The following HERC3 variants were observed in gnomAD, a reference collection of about 807,000 sequenced individuals.
The protein encoded by HERC3 is HECT and RLD domain containing E3 ubiquitin protein ligase 3, also known as probable E3 ubiquitin-protein ligase HERC3.
Under a neutral mutation model 129.9 loss-of-function variants are expected in HERC3, and 58 were observed. The observed-to-expected ratio is 0.45, with a 90% CI of 0.36 to 0.56. The LOEUF is 0.56. Ranked by LOEUF, HERC3 falls within the 20% of genes least tolerant of loss-of-function variation. HERC3 has a pLI of 0.00. For missense variants in HERC3, 835 were observed against 1,244.2 expected (o/e 0.67, Z 4.95); for synonymous variants, 430 against 451.0 (o/e 0.95, Z 0.59).
At chr4:88,539,611 A>G in the HERC3 span, among the ~76,000 whole-genome samples, 1 of 152,108 alleles carries the variant, frequency 6.6e-6, no homozygotes, top group Non-Finnish European at 1.5e-5. Flanking sequence ...CTGCCTCCTC[A>G]AGTGGGTCCC....
At chr4:88,559,596 G>A in the HERC3 span, among the ~76,000 whole-genome samples, 2 of 152,116 alleles carry the variant, frequency 1.3e-5, no homozygotes, top group Non-Finnish European at 2.9e-5. Context: ...TCTCATCCAC[G>A]TTTTAACAAA....
At chr4:88,690,644 T>C (rs1733980861) in intron 23 of HERC3, 1 of 982,116 alleles carries the variant, frequency 1.0e-6, no homozygotes, top group Non-Finnish European at 1.2e-6. Context: ...ATTGGCAATG[T>C]AGTCTGCAAT....
At chr4:88,523,843 GC>G in the HERC3 span, 1 of 797,346 alleles carries the variant, frequency 1.3e-6, no homozygotes, top group South Asian at 2.0e-5. Context: ...CGGGGCGGGC[GC>G]TTTGGTTCCG....
chr4:88,591,064 AT>A (rs539127563), upstream of HERC3, among the ~76,000 whole-genome samples: 2 of 150,114 alleles, frequency 1.3e-5, no homozygotes, highest in South Asian at 2.1e-4. Context: ...TAATTTTGGT[AT>A]TTTTTTTTGT....
In HERC3 at chr4:88,605,971, C is replaced by T; in HGVS notation, c.148C>T (p.Leu50=). Residue 50 remains leucine (L), a synonymous_variant, in exon 3 of 26, where the codon CTG becomes TTG. Coordinates refer to ENST00000402738, the MANE Select transcript of HERC3 (RefSeq NM_014606.3). ...ACGGNHSVFL[L]EDGEVYTCGL... ...TGGGGGAAACCACTCTGTGTTCCTG[C>T]TGGAAGATGGGGAAGTTTACACATG... 1 of 1,614,092 alleles carries T rather than the reference C, an allele frequency of 6.2e-7. No individual in the cohort carries two copies. Among genetic ancestry groups the T allele is most frequent in the Non-Finnish European group, 8.5e-7 (1 of 1,180,018 alleles).
intron 3 of HERC3, among the ~76,000 whole-genome samples, chr4:88,647,930 C>T (rs1434167954): frequency 6.6e-6 from 1 of 150,822 alleles, no homozygotes; most frequent in African/African-American, 2.4e-5. Flanking sequence ...GATTAGAGTT[C>T]TGTTATATTC....
chr4:88,666,118 C>T (rs542256341), intron 12 of HERC3, among the ~76,000 whole-genome samples: 1 of 152,296 alleles, frequency 6.6e-6, no homozygotes, highest in African/African-American at 2.4e-5. Flanking sequence ...AGATGGATAG[C>T]TTTCATGACA....
rs139650424 is a variant in HERC3, at chr4:88,597,014, C to T, written c.-30+1400C>T. On this transcript the variant is annotated intron_variant, in intron 2 of 25. Transcript: ENST00000402738. The stretch of plus-strand genomic sequence containing the variant: ...GCTTATAGATGGAGTTTATTTTTTA[C>T]TGCTGTACAGTGTTCTGTTTTATGC... Among the ~76,000 whole-genome samples the T allele has an allele frequency of 1.5e-3, 232 of 152,302 alleles. 2 individuals carry two copies. Among genetic ancestry groups the T allele is most frequent in the African/African-American group, 5.4e-3 (224 of 41,554 alleles).
chr4:88,584,877 G>C, the HERC3 span, among the ~76,000 whole-genome samples: 12 of 152,188 alleles, frequency 7.9e-5, no homozygotes, highest in African/African-American at 2.9e-4. Context: ...AATTCAAGAG[G>C]GATCTGGGTG....
intron 3 of HERC3, among the ~76,000 whole-genome samples, chr4:88,607,743 A>G (rs1723830602): frequency 6.6e-6 from 1 of 152,246 alleles, no homozygotes; most frequent in African/African-American, 2.4e-5. Context: ...TGCTGGCATT[A>G]CAGGTGCGAA....
intron 3 of HERC3, among the ~76,000 whole-genome samples, chr4:88,642,957 G>GA (rs1300057826): frequency 1.3e-5 from 2 of 150,588 alleles, no homozygotes; most frequent in East Asian, 1.9e-4. Flanking sequence ...TGGAAAGGAA[G>GA]AAAAAAAACC....
chr4:88,655,466 T>C (rs1729783567), intron 8 of HERC3, among the ~76,000 whole-genome samples, 162 bp downstream of exon 8: 1 of 152,162 alleles, frequency 6.6e-6, no homozygotes, highest in Non-Finnish European at 1.5e-5. Flanking sequence ...TGATAGAGTG[T>C]GGCAAGGAAG....
the HERC3 span, among the ~76,000 whole-genome samples, chr4:88,554,472 A>G: frequency 1.3e-5 from 2 of 152,200 alleles, no homozygotes; most frequent in Non-Finnish European, 2.9e-5. Context: ...TGAGGTAAAT[A>G]AAATGATTGA....
intron 3 of HERC3, among the ~76,000 whole-genome samples, chr4:88,637,394 C>G (rs1463716629): frequency 1.3e-5 from 2 of 152,286 alleles, no homozygotes; most frequent in Admixed American, 1.3e-4. Context: ...CCACTGCACT[C>G]CAGCCTGGGC....
At chr4:88,675,384 T>C (rs1301858721) in intron 16 of HERC3, among the ~76,000 whole-genome samples, 2 of 152,168 alleles carry the variant, frequency 1.3e-5, no homozygotes, top group East Asian at 3.8e-4. Context: ...CTTAATGTGT[T>C]TTACTAATTT....
chr4:88,679,124 A>G (rs1004156314), intron 19 of HERC3, among the ~76,000 whole-genome samples: 1 of 152,188 alleles, frequency 6.6e-6, no homozygotes, highest in Admixed American at 6.5e-5. Flanking sequence ...TGAAATGGGG[A>G]TGATAATAGT....
rs941654615 is a variant in HERC3 at position 88,693,386 on chromosome 4, A to G, written c.2657+6087A>G. The G allele has an allele frequency of 4.7e-5, 46 of 970,388 alleles. No individual in the cohort carries two copies. In the African/African-American group the frequency reaches 6.8e-4, roughly 14 times the overall value. 60.1% of individuals were successfully genotyped at this position (970,388 alleles called of 1,614,324 possible). On this transcript the variant is annotated intron_variant, in intron 23 of 25. Transcript: ENST00000402738. ...TTGCTAATGAATTATACTCCCTTAT[A>G]TGTCATTATCACCATTTCATCCAGT...
chr4:88,695,464 G>T (rs371237121), intron 23 of HERC3, among the ~76,000 whole-genome samples: 7 of 152,006 alleles, frequency 4.6e-5, no homozygotes, highest in African/African-American at 1.7e-4. Flanking sequence ...TATCCTTTCT[G>T]GGAGATGATA....
chr4:88,638,454 CAT>C (rs1307564284), intron 3 of HERC3, among the ~76,000 whole-genome samples: 1 of 152,182 alleles, frequency 6.6e-6, no homozygotes, highest in African/African-American at 2.4e-5. Flanking sequence ...AATCAATAAA[CAT>C]AATCTATCAC....
Sources: gnomAD v4.1 joint callset for allele counts (sites outside exome capture counted in the v4.1 genomes callset) on GRCh38, gnomAD v4.1.1 for gene constraint, MANE v1.5 for transcripts, NCBI Gene and HGNC (gene_info 2026-07-23, HGNC 2026-07-21) for gene names.